The following LRRC56 variants were observed in gnomAD, a reference collection of about 807,000 sequenced individuals.
The protein encoded by LRRC56 is leucine rich repeat containing 56.
Under a neutral mutation model 47.8 loss-of-function variants are expected in LRRC56, and 41 were observed. The ratio of observed to expected loss-of-function variants is 0.86; its 90% confidence interval spans 0.67 to 1.11. The LOEUF (loss-of-function observed/expected upper bound fraction) is 1.11, where lower values mean the gene tolerates loss of function less well. Among genes scored for constraint, LRRC56 ranks in the 50% most tolerant of loss-of-function variants. The probability of loss-of-function intolerance (pLI) is 0.00; values close to 1 mark genes in which losing one functional copy is unlikely to be tolerated. For missense variants in LRRC56, 759 were observed against 704.2 expected, an observed-to-expected ratio of 1.08 and a Z score of -0.88; for synonymous variants, 387 against 311.2, an observed-to-expected ratio of 1.24 and a Z score of -2.56.
intron 13 of LRRC56, among the ~76,000 whole-genome samples, chr11:553,438 G>A (rs1852540795): frequency 6.6e-6 from 1 of 152,112 alleles, no homozygotes; most frequent in African/African-American, 2.4e-5. Flanking sequence ...GGGGCAGACA[G>A]AGGGGTCAAC....
rs1852301689 is a variant in LRRC56, at chr11:550,075, C to T, written c.427C>T (p.Leu143Phe). ...GIASLPALKE[L>F]YASYNNISDL... is the part of the protein sequence containing the mutation. ...CTCAGAGCCCCGCGCTGCCCAGGAA[C>T]TCTACGCCTCCTACAACAACATCTC... is the stretch of plus-strand genomic sequence containing the variant. The change falls in exon 8 of 14, where the codon CTC (leucine) becomes TTC (phenylalanine). Residue 143 changes from leucine (L) to phenylalanine (F), a missense_variant. Leu to Phe is a conservative substitution (Grantham distance 22). Coordinates refer to ENST00000270115, the MANE Select transcript of LRRC56 (RefSeq NM_198075.4). The T allele has an allele frequency of 1.9e-6, 3 of 1,612,012 alleles. No homozygotes were observed. The East Asian group carries it at 6.7e-5, about 36-fold the overall frequency.
chr11:531,741 G>A, the LRRC56 span, among the ~76,000 whole-genome samples: 1 of 152,218 alleles, frequency 6.6e-6, no homozygotes, highest in African/African-American at 2.4e-5. Context: ...AGGCCAGTCG[G>A]TGCTGGAGCC....
upstream of LRRC56, chr11:532,543 G>A (rs1851164521): frequency 3.9e-6 from 6 of 1,534,216 alleles, no homozygotes; most frequent in South Asian, 5.8e-5. Context: ...CACAAGGGAG[G>A]CTGCTGACCG....
the LRRC56 span, among the ~76,000 whole-genome samples, chr11:528,168 G>A: frequency 1.3e-5 from 2 of 152,252 alleles, no homozygotes; most frequent in Non-Finnish European, 1.5e-5. Flanking sequence ...GGCCTCCCTG[G>A]ATGGATGTTG....
chr11:532,396 G>A, the LRRC56 span: 7 of 607,532 alleles, frequency 1.2e-5, no homozygotes, highest in East Asian at 8.4e-5. Flanking sequence ...CAGTCACCTC[G>A]GCCCACGGTC....
At chr11:507,452 A>G in the LRRC56 span, among the ~76,000 whole-genome samples, 1 of 121,066 alleles carries the variant, frequency 8.3e-6, no homozygotes, top group African/African-American at 3.4e-5. Flanking sequence ...CTCCCCCAGT[A>G]GGCGGGGCTT....
chr11:533,785 C>T, upstream of LRRC56: 2 of 1,613,368 alleles, frequency 1.2e-6, no homozygotes, highest in Non-Finnish European at 1.7e-6. Flanking sequence ...TGGATGTCCT[C>T]AAAAGACTTG....
the LRRC56 span, chr11:506,579 CCCCGA>C: frequency 6.6e-6 from 1 of 152,250 alleles, no homozygotes; most frequent in Non-Finnish European, 1.5e-5. Flanking sequence ...GACCCTCCCT[CCCCGA>C]CCTCGCACGA....
At chr11:534,453 G>A, upstream of LRRC56, 1 of 720,504 alleles carries the variant, frequency 1.4e-6, no homozygotes, top group Non-Finnish European at 2.3e-6. Context: ...AGGGCCATCT[G>A]AAGGGCAAAC....
At position 553,841 on chromosome 11, in the gene LRRC56, G is replaced by T. The variant is rs975991669; in HGVS notation, c.1316-122G>T. On this transcript the variant is annotated intron_variant, in intron 13 of 13. Coordinates refer to ENST00000270115, the MANE Select transcript of LRRC56 (RefSeq NM_198075.4). ...GTGGGGTGCAGGGGTGCTGCTGCCT[G>T]TGGACCCCCAAGGACCACTGCCTCG... The T allele has an allele frequency of 8.8e-6, 7 of 798,140 alleles. No individual in the cohort carries two copies. In the African/African-American group the frequency reaches 1.0e-4, roughly 12 times the overall value. 49.4% of individuals were successfully genotyped at this position (798,140 alleles called of 1,614,324 possible).
In LRRC56 at chr11:537,834, C is replaced by T. The variant is rs1418906721; in HGVS notation, c.-422+229C>T. ...GTCAGGAGACAGGAGGGGCCCCAAG[C>T]CCTGCCCCTGAGGGAGACTCAGAGG... On this transcript the variant is annotated intron_variant, in intron 1 of 13. Transcript: ENST00000270115. 7.2e-5 allele frequency among the ~76,000 whole-genome samples: 11 copies of T among 152,304 alleles called. No homozygotes were observed. In the East Asian group the frequency reaches 2.1e-3, roughly 29 times the overall value.
At chr11:528,062 C>G in the LRRC56 span, among the ~76,000 whole-genome samples, 1 of 152,314 alleles carries the variant, frequency 6.6e-6, no homozygotes. Flanking sequence ...TCTTGAACTC[C>G]TGACCTCAGG....
At position 541,555 on chromosome 11, in the gene LRRC56, G is replaced by T. The variant is rs369591700; in HGVS notation, c.196G>T (p.Asp66Tyr). The T allele has an allele frequency of 2.5e-6, 4 of 1,581,150 alleles. No individual in the cohort carries two copies. In the African/African-American group the frequency reaches 5.5e-5, roughly 22 times the overall value. ...TCTACAGCAGGCCCTGGCCCGGGTG[G>T]ATGACCTTCGGCTGGTGAGGACGCT... The part of the protein sequence containing the change: ...PARLQALARV[D>Y]DLRLVRTLEM... Residue 66 changes from aspartate (D) to tyrosine (Y), a missense_variant, in exon 5 of 14, where the codon GAT (aspartate) becomes TAT (tyrosine). By Grantham distance (160) the Asp-to-Tyr change is radical. Coordinates refer to ENST00000270115, the MANE Select transcript of LRRC56 (RefSeq NM_198075.4). The surrounding 1 kb of genome is among the most constrained non-coding windows in gnomAD (Gnocchi z 4.1).
chr11:533,080 A>C (rs1851204813), upstream of LRRC56, among the ~76,000 whole-genome samples: 1 of 152,216 alleles, frequency 6.6e-6, no homozygotes, highest in African/African-American at 2.4e-5. Context: ...ACTAAGACTC[A>C]GAACCAACAG....
At chr11:535,752 G>T (rs1851460986), upstream of LRRC56, among the ~76,000 whole-genome samples, 1 of 152,128 alleles carries the variant, frequency 6.6e-6, no homozygotes, top group Non-Finnish European at 1.5e-5. Flanking sequence ...CGGCCTCTCG[G>T]GGTTGGGCTT....
At position 554,843 on chromosome 11, in the gene LRRC56, C is replaced by T; in HGVS notation, c.*567C>T. ...CGCCCCGGAACCCAAACCAACATTTCCAGCTCTCAGGTGTACAGAAATGCG... is the reference window on the plus strand; with the variant it reads ...CGCCCCGGAACCCAAACCAACATTTTCAGCTCTCAGGTGTACAGAAATGCG... On this transcript the variant is annotated 3_prime_UTR_variant, in exon 14 of 14. Transcript: ENST00000270115. 1.6e-6 allele frequency: 1 copy of T among 639,106 alleles called. No homozygotes were observed. The highest frequency in any genetic ancestry group is 2.2e-5 in the South Asian group (1 of 45,326). The allele number at this position is 639,106 out of a possible 1,614,324, so 39.6% of individuals were successfully genotyped here.
rs1852403339 is a variant in LRRC56, at chr11:551,722, T to G, written c.868T>G (p.Ser290Ala). ...CCTGCCTGAGACGCAGTCCCGGGCCTCCAGGCCCTGGCCCTTCTCCCTGCT... is the reference window on the plus strand; with the variant it reads ...CCTGCCTGAGACGCAGTCCCGGGCCGCCAGGCCCTGGCCCTTCTCCCTGCT... Reference protein sequence around the residue: ...LSLPETQSRASRPWPFSLLVR... With the variant: ...LSLPETQSRAARPWPFSLLVR... Residue 290 changes from serine to alanine, a missense_variant, in exon 10 of 14, where the codon TCC becomes GCC. Transcript: ENST00000270115. 1 of 1,611,252 alleles carries G rather than the reference T, an allele frequency of 6.2e-7. No individual in the cohort carries two copies. Among genetic ancestry groups the G allele is most frequent in the African/African-American group, 1.3e-5 (1 of 74,892 alleles).
upstream of LRRC56, chr11:533,414 C>A (rs777802934): frequency 1.0e-6 from 1 of 962,660 alleles, no homozygotes; most frequent in African/African-American, 1.6e-5. Context: ...CGGGGCGGGG[C>A]GGGTCCCTGG....
At chr11:518,773 G>A in the LRRC56 span, among the ~76,000 whole-genome samples, 1 of 152,192 alleles carries the variant, frequency 6.6e-6, no homozygotes, top group East Asian at 1.9e-4. Flanking sequence ...CCACGACGGG[G>A]CCGCCGGAGA....
Sources: gnomAD v4.1 joint callset for allele counts (sites outside exome capture counted in the v4.1 genomes callset) on GRCh38, gnomAD v4.1.1 for gene constraint, Gnocchi (gnomAD v3.1) non-coding constraint, MANE v1.5 for transcripts, NCBI Gene and HGNC (gene_info 2026-07-23, HGNC 2026-07-21) for gene names.